Variants in MRTFA observed in about 807,000 individuals in gnomAD.
The protein encoded by MRTFA is myocardin related transcription factor A.
MRTFA carries 20 observed loss-of-function variants against 83.5 expected under a neutral mutation model. The ratio of observed to expected loss-of-function variants is 0.24; its 90% CI spans 0.17 to 0.35. MRTFA has a LOEUF of 0.35. Among genes scored for constraint, MRTFA ranks in the 10% least tolerant of loss-of-function variants. The probability of loss-of-function intolerance (pLI) is 1.00; values close to 1 mark genes in which losing one functional copy is unlikely to be tolerated. For synonymous variants in MRTFA, 659 were observed against 541.2 expected (o/e 1.22, Z -3.02); for missense variants, 1,200 against 1,224.7 (o/e 0.98, Z 0.30).
In MRTFA at chr22:40,420,925, A is replaced by T; in HGVS notation, c.1103T>A (p.Leu368His). ...GTTGAGGATCTGCAGCTGGAGGAAG[A>T]GCTGCTGCTGCTGCAGGATCTTGGC... The change falls in exon 10 of 15, where the codon CTC (leucine) becomes CAC (histidine). Residue 368 changes from leucine to histidine, a missense_variant. Around this residue, in one of 2 missense-constraint regions of MRTFA, gnomAD observed 1,107 missense variants for 1,041.8 expected, o/e 1.06. Transcript: ENST00000355630. The T allele has an allele frequency of 6.2e-7, 1 of 1,614,080 alleles. No homozygotes were observed.
At chr22:40,623,667 T>C (rs2056549208) in intron 1 of MRTFA, among the ~76,000 whole-genome samples, 1 of 152,202 alleles carries the variant, frequency 6.6e-6, no homozygotes, top group Non-Finnish European at 1.5e-5. Context: ...CATTTTAAAA[T>C]TACATATTTA....
At chr22:40,480,089 G>A (rs558221410) in intron 3 of MRTFA, among the ~76,000 whole-genome samples, 1 of 152,258 alleles carries the variant, frequency 6.6e-6, no homozygotes, top group Non-Finnish European at 1.5e-5. Flanking sequence ...AAGCTATGCA[G>A]ACGATACAAC....
intron 2 of MRTFA, among the ~76,000 whole-genome samples, chr22:40,582,554 T>C (rs1435747613): frequency 6.6e-6 from 1 of 151,970 alleles, no homozygotes; most frequent in Non-Finnish European, 1.5e-5. Context: ...GCTTTAATCC[T>C]CTTCCCAAAA....
At chr22:40,457,497 A>G (rs976230973) in intron 4 of MRTFA, among the ~76,000 whole-genome samples, 4 of 142,202 alleles carry the variant, frequency 2.8e-5, no homozygotes, top group South Asian at 4.5e-4. Context: ...AAGGAAAGAA[A>G]GAAAGAGAAA....
At chr22:40,619,994 G>A (rs893355164) in intron 1 of MRTFA, among the ~76,000 whole-genome samples, 1 of 151,218 alleles carries the variant, frequency 6.6e-6, no homozygotes, top group African/African-American at 2.4e-5. Flanking sequence ...GAGTCTCACT[G>A]TCTCCCAGGC....
Position 40,543,159 on chromosome 22 carries a change from T to C in MRTFA, c.241+8947A>G, listed in dbSNP as rs577715507. ...GGATTTTCAACTGGGCGACCTAATC[T>C]AGAAAATCCTTGAAAACCATGCTTT... is the stretch of plus-strand genomic sequence containing the variant. On this transcript the variant is annotated intron_variant, in intron 3 of 14. Coordinates refer to ENST00000355630, the MANE Select transcript of MRTFA (RefSeq NM_020831.6). Among the ~76,000 whole-genome samples, 6 of 152,316 alleles carry C rather than the reference T, an allele frequency of 3.9e-5. No individual in the cohort carries two copies. In the East Asian group the frequency reaches 1.2e-3, roughly 29 times the overall value.
At chr22:40,561,422 T>TA (rs901641972) in intron 2 of MRTFA, among the ~76,000 whole-genome samples, 1 of 149,290 alleles carries the variant, frequency 6.7e-6, no homozygotes, top group Non-Finnish European at 1.5e-5. Flanking sequence ...ATCTGGGAGA[T>TA]AGAGGTTGCA....
At chr22:40,441,854 A>G (rs1017039642) in intron 4 of MRTFA, among the ~76,000 whole-genome samples, 3 of 150,990 alleles carry the variant, frequency 2.0e-5, no homozygotes, top group Admixed American at 2.0e-4. Flanking sequence ...ACACACACAC[A>G]CTTTCACACA....
At chr22:40,607,526 C>T (rs768088261) in intron 1 of MRTFA, among the ~76,000 whole-genome samples, 3 of 149,430 alleles carry the variant, frequency 2.0e-5, no homozygotes, top group South Asian at 2.1e-4. Context: ...AAAAGAACAA[C>T]AGGTACACAA....
At chr22:40,414,062 G>T (rs1055168077) in intron 14 of MRTFA, among the ~76,000 whole-genome samples, 4 of 152,210 alleles carry the variant, frequency 2.6e-5, no homozygotes, top group Admixed American at 2.0e-4. Context: ...TATGAGGCGG[G>T]GTGCGTTGGC....
intron 1 of MRTFA, among the ~76,000 whole-genome samples, chr22:40,596,620 G>A (rs558303004): frequency 2.0e-5 from 3 of 152,292 alleles, no homozygotes; most frequent in Admixed American, 6.5e-5. Context: ...TGGCCAACAT[G>A]GTGAAACCCT....
chr22:40,486,372 G>A (rs902968331), intron 3 of MRTFA, among the ~76,000 whole-genome samples: 6 of 152,152 alleles, frequency 3.9e-5, no homozygotes, highest in Admixed American at 1.3e-4. Flanking sequence ...CACCAAGCTC[G>A]GTTGAACATT....
intron 3 of MRTFA, among the ~76,000 whole-genome samples, chr22:40,518,426 GA>G (rs34405567): frequency 6.9e-6 from 1 of 145,496 alleles, no homozygotes; most frequent in Non-Finnish European, 1.5e-5. Context: ...GTTGGTGAGG[GA>G]AAAAAAAAAA....
At chr22:40,614,279 C>T (rs930813075) in intron 1 of MRTFA, among the ~76,000 whole-genome samples, 2 of 151,238 alleles carry the variant, frequency 1.3e-5, no homozygotes, top group Admixed American at 6.6e-5. Flanking sequence ...GGCATGGTAG[C>T]ACCCACCTGT....
chr22:40,561,537 A>G (rs75561167), intron 2 of MRTFA, among the ~76,000 whole-genome samples: 3,515 of 151,840 alleles, frequency 0.023, 150 homozygotes, highest in African/African-American at 0.082. Context: ...GGAAAACATC[A>G]AGTCTTGGCT....
At chr22:40,488,660 T>C (rs1011820689) in intron 3 of MRTFA, among the ~76,000 whole-genome samples, 1 of 152,050 alleles carries the variant, frequency 6.6e-6, no homozygotes, top group African/African-American at 2.4e-5. Context: ...GGTGAAACCC[T>C]GTCTCTACTA....
chr22:40,599,641 AATTCCAAC>A (rs2147392473), intron 1 of MRTFA, among the ~76,000 whole-genome samples: 1 of 152,268 alleles, frequency 6.6e-6, no homozygotes, highest in African/African-American at 2.4e-5. Context: ...TCACACCTGT[AATTCCAAC>A]ACTCTGGGAG....
chr22:40,486,095 G>C (rs958632445), intron 3 of MRTFA, among the ~76,000 whole-genome samples: 1 of 152,162 alleles, frequency 6.6e-6, no homozygotes, highest in African/African-American at 2.4e-5. Context: ...CACCCCAAGG[G>C]AGTGGGCTTG....
chr22:40,571,343 T>C (rs2055790034), intron 2 of MRTFA, among the ~76,000 whole-genome samples: 1 of 152,120 alleles, frequency 6.6e-6, no homozygotes, highest in South Asian at 2.1e-4. Flanking sequence ...AGGTATAATC[T>C]TCATGACCTT....
Sources: allele counts gnomAD v4.1 joint callset (sites outside exome capture counted in the v4.1 genomes callset), GRCh38; gene constraint gnomAD v4.1.1; regional missense constraint gnomAD v4.1.1; transcripts MANE v1.5; gene names NCBI Gene and HGNC (gene_info 2026-07-23, HGNC 2026-07-21).